KCNJ6: variants seen among roughly 807,000 people sequenced by gnomAD.
The protein encoded by KCNJ6 is G protein-activated inward rectifier potassium channel 2.
A neutral mutation model predicts 34.2 loss-of-function variants in KCNJ6; 9 were observed. The observed-to-expected ratio is 0.26, with a 90% CI of 0.16 to 0.46. The LOEUF (loss-of-function observed/expected upper bound fraction) is 0.46. Among genes scored for constraint, KCNJ6 ranks in the 20% least tolerant of loss-of-function variants. KCNJ6 has a pLI of 1.00. For synonymous variants in KCNJ6, 196 were observed against 207.1 expected, an observed-to-expected ratio of 0.95 and a Z score of 0.46; for missense variants, 236 against 531.3, an observed-to-expected ratio of 0.44 and a Z score of 5.46.
At chr21:37,696,620 T>C (rs994375093) in intron 3 of KCNJ6, among the ~76,000 whole-genome samples, 3 of 151,914 alleles carry the variant, frequency 2.0e-5, no homozygotes, top group Non-Finnish European at 4.4e-5. Context: ...TAAGAAGAAA[T>C]GGTTGGAAAA....
At position 37,731,100 on chromosome 21, in the gene KCNJ6, AGT is replaced by A. The variant is rs113587330; in HGVS notation, c.26-15971_26-15970del. On this transcript the variant is annotated intron_variant, in intron 2 of 3. Transcript: ENST00000609713. ...TCTGCCATTGCAGATAGATGAGAGA[AGT>A]GTGTGTGTGTGTGTGTGTGTGTGTG... is the stretch of plus-strand genomic sequence containing the variant. Among the ~76,000 whole-genome samples the A allele has an allele frequency of 5.5e-3, 746 of 134,774 alleles. 7 individuals carry two copies. Among genetic ancestry groups the A allele is most frequent in the Admixed American group, 8.6e-3 (107 of 12,510 alleles). 88.4% of individuals were successfully genotyped at this position (134,774 alleles called of 152,430 possible). A position where few individuals can be genotyped will look rare whatever the true frequency, so the allele number is the denominator to read the frequency against.
At chr21:37,664,315 C>G (rs558674709) in intron 3 of KCNJ6, among the ~76,000 whole-genome samples, 42 of 151,844 alleles carry the variant, frequency 2.8e-4, no homozygotes, top group African/African-American at 1.0e-3. Context: ...AGAATTCAGC[C>G]AGAGAAAAAG....
At chr21:37,765,508 A>G (rs2055086513) in intron 2 of KCNJ6, among the ~76,000 whole-genome samples, 1 of 152,178 alleles carries the variant, frequency 6.6e-6, no homozygotes, top group African/African-American at 2.4e-5. Flanking sequence ...TACAATGCAT[A>G]TGGCAGCCCC....
rs146108838 is a variant in KCNJ6 at position 37,697,147 on chromosome 21, C to T, written c.946+17064G>A. Among the ~76,000 whole-genome samples, 605 of 152,170 alleles carry T rather than the reference C, an allele frequency of 4.0e-3. 3 individuals are homozygous for T. The highest frequency in any genetic ancestry group is 7.1e-3 in the South Asian group (34 of 4,810). ...AGGAGGGAGCGAGAAGACCATAAGA[C>T]GATTGTTTGACCACCGTGTGGCTTA... On this transcript the variant is annotated intron_variant, in intron 3 of 3. Coordinates refer to ENST00000609713, the MANE Select transcript of KCNJ6 (RefSeq NM_002240.5).
At chr21:37,662,246 C>T (rs755613785) in intron 3 of KCNJ6, among the ~76,000 whole-genome samples, 1 of 152,168 alleles carries the variant, frequency 6.6e-6, no homozygotes, top group African/African-American at 2.4e-5. Context: ...TCTTGATGCT[C>T]TCCCTCCCCA....
chr21:37,803,072 G>A (rs1355465924), intron 2 of KCNJ6, among the ~76,000 whole-genome samples: 2 of 152,218 alleles, frequency 1.3e-5, no homozygotes, highest in Non-Finnish European at 2.9e-5. Flanking sequence ...AATAGTTGAC[G>A]TCCTTGGCTC....
chr21:37,773,033 C>T (rs936272576), intron 2 of KCNJ6, among the ~76,000 whole-genome samples: 9 of 152,290 alleles, frequency 5.9e-5, no homozygotes, highest in Middle Eastern at 3.4e-3. Context: ...TTCTCTAACA[C>T]GATAGCCATT....
At chr21:37,759,412 G>A (rs1568837761) in intron 2 of KCNJ6, among the ~76,000 whole-genome samples, 2 of 152,158 alleles carry the variant, frequency 1.3e-5, no homozygotes, top group Non-Finnish European at 2.9e-5. Context: ...GCTGAAACGC[G>A]GCCTCTCCAT....
chr21:37,654,084 GAAA>G, intron 3 of KCNJ6, among the ~76,000 whole-genome samples: 1 of 138,092 alleles, frequency 7.2e-6, no homozygotes, highest in Non-Finnish European at 1.6e-5. Flanking sequence ...CAGAATCCAA[GAAA>G]AAAATTCCAC....
chr21:37,798,559 G>T (rs2055254392), intron 2 of KCNJ6, among the ~76,000 whole-genome samples: 1 of 152,186 alleles, frequency 6.6e-6, no homozygotes, highest in Non-Finnish European at 1.5e-5. Flanking sequence ...AACAAAATGT[G>T]GTCTGTCCAG....
chr21:37,881,285 C>G (rs1193635314), intron 1 of KCNJ6, among the ~76,000 whole-genome samples: 1 of 152,276 alleles, frequency 6.6e-6, no homozygotes, highest in South Asian at 2.1e-4. Context: ...TCATCTCGGG[C>G]TACCATAACA....
rs142281956 is a variant in KCNJ6 at position 37,767,049 on chromosome 21, C to A, written c.26-51918G>T. On this transcript the variant is annotated intron_variant, in intron 2 of 3. Transcript: ENST00000609713. The stretch of plus-strand genomic sequence containing the variant: ...CTTGTGCCAAAACGCTTGGGGACTG[C>A]TGATCTAGACTAATGAGATGCAACT... Among the ~76,000 whole-genome samples the A allele has an allele frequency of 2.0e-5, 3 of 152,294 alleles. No individual in the cohort carries two copies. The East Asian group carries it at 5.8e-4, about 29-fold the overall frequency.
chr21:37,673,272 A>G (rs1329054638), intron 3 of KCNJ6, among the ~76,000 whole-genome samples: 8 of 152,152 alleles, frequency 5.3e-5, no homozygotes, highest in Non-Finnish European at 1.2e-4. Flanking sequence ...GGAGCTAGGG[A>G]AGTGGGTGGT....
At chr21:37,868,040 C>T (rs1382014523) in intron 1 of KCNJ6, among the ~76,000 whole-genome samples, 1 of 152,184 alleles carries the variant, frequency 6.6e-6, no homozygotes, top group Non-Finnish European at 1.5e-5. Context: ...ACCATCTTTT[C>T]CCTAAGACCT....
At chr21:37,717,813 G>A (rs1451564073) in intron 2 of KCNJ6, among the ~76,000 whole-genome samples, 1 of 152,168 alleles carries the variant, frequency 6.6e-6, no homozygotes, top group Non-Finnish European at 1.5e-5. Context: ...TGTCAAATTA[G>A]CTGATTCTCA....
At chr21:37,830,353 A>T (rs1467275994) in intron 2 of KCNJ6, among the ~76,000 whole-genome samples, 1 of 152,156 alleles carries the variant, frequency 6.6e-6, no homozygotes, top group African/African-American at 2.4e-5. Flanking sequence ...GCAGAAGAAT[A>T]AATGCCTGGG....
At chr21:37,666,306 G>A (rs1166075267) in intron 3 of KCNJ6, among the ~76,000 whole-genome samples, 3 of 152,108 alleles carry the variant, frequency 2.0e-5, no homozygotes, top group Non-Finnish European at 4.4e-5. Flanking sequence ...GATTCCTCAG[G>A]CTGACCTGAG....
chr21:37,914,008 GGT>G (rs371432862), intron 1 of KCNJ6, among the ~76,000 whole-genome samples: 6,976 of 135,456 alleles, frequency 0.052, 478 homozygotes, highest in African/African-American at 0.17. Context: ...GGCGGATCGG[GGT>G]GTGTGTGTGT....
At position 37,615,503 on chromosome 21, in the gene KCNJ6, C is replaced by T. The variant is rs536015310; in HGVS notation, c.*9656G>A. ...GTTTATTCTTGCCTGGTCCATGGGGCCAGACTAAATTGAGCTCTGAAAGTT... is the reference window on the plus strand; with the variant it reads ...GTTTATTCTTGCCTGGTCCATGGGGTCAGACTAAATTGAGCTCTGAAAGTT... On this transcript the variant is annotated 3_prime_UTR_variant, in exon 4 of 4. Transcript: ENST00000609713. 6.6e-6 allele frequency: 1 copy of T among 152,168 alleles called. No homozygotes were observed. The highest frequency in any genetic ancestry group is 2.1e-4 in the South Asian group (1 of 4,816). The allele number at this position is 152,168 out of a possible 1,614,324, so 9.4% of individuals were successfully genotyped here.
Sources: allele counts gnomAD v4.1 joint callset (sites outside exome capture counted in the v4.1 genomes callset), GRCh38; gene constraint gnomAD v4.1.1; transcripts MANE v1.5; gene names NCBI Gene and HGNC (gene_info 2026-07-23, HGNC 2026-07-21).